ATP8A2: variants seen among roughly 807,000 people sequenced by gnomAD.
The protein encoded by ATP8A2 is ATPase phospholipid transporting 8A2.
A neutral mutation model predicts 165.6 loss-of-function variants in ATP8A2; 100 were observed. That is an observed-to-expected ratio of 0.60 (90% CI 0.51 to 0.71). ATP8A2 has a LOEUF of 0.71. Among genes scored for constraint, ATP8A2 ranks in the 30% least tolerant of loss-of-function variants. The pLI is 0.00. For missense variants in ATP8A2, 1,227 were observed against 1,479.5 expected, an observed-to-expected ratio of 0.83 and a Z score of 2.80; for synonymous variants, 543 against 548.8, an observed-to-expected ratio of 0.99 and a Z score of 0.15.
At chr13:25,489,872 A>C (rs546325822) in intron 2 of ATP8A2, among the ~76,000 whole-genome samples, 2 of 152,314 alleles carry the variant, frequency 1.3e-5, no homozygotes, top group African/African-American at 4.8e-5. Context: ...TTTAATGCCA[A>C]TTTCTTCAGA....
chr13:25,475,316 C>T (rs2035963062), intron 2 of ATP8A2, among the ~76,000 whole-genome samples: 1 of 152,158 alleles, frequency 6.6e-6, no homozygotes, highest in African/African-American at 2.4e-5. Context: ...ATAATGGTCT[C>T]CCCCTCATTC....
intron 24 of ATP8A2, among the ~76,000 whole-genome samples, chr13:25,656,266 C>T (rs895534550): frequency 1.7e-5 from 2 of 120,772 alleles, no homozygotes; most frequent in African/African-American, 6.4e-5. Context: ...CACACTATTA[C>T]TTAAAGTTGG....
At chr13:25,785,938 G>C (rs528410624) in intron 27 of ATP8A2, among the ~76,000 whole-genome samples, 32 of 152,316 alleles carry the variant, frequency 2.1e-4, no homozygotes, top group African/African-American at 7.2e-4. Flanking sequence ...GCTTGTAGAG[G>C]ATCAAGAGCA....
intron 25 of ATP8A2, among the ~76,000 whole-genome samples, chr13:25,735,546 C>T (rs942282454): frequency 7.9e-5 from 12 of 151,490 alleles, no homozygotes; most frequent in African/African-American, 2.9e-4. Flanking sequence ...TAGGCGTGAA[C>T]CTCCACACTG....
At chr13:25,434,290 C>T (rs187468227) in intron 1 of ATP8A2, among the ~76,000 whole-genome samples, 1 of 152,096 alleles carries the variant, frequency 6.6e-6, no homozygotes, top group Non-Finnish European at 1.5e-5. Flanking sequence ...GGCTCCCTGC[C>T]TAAGGTGTGA....
At chr13:25,515,354 A>G (rs534040197) in intron 2 of ATP8A2, among the ~76,000 whole-genome samples, 1 of 152,264 alleles carries the variant, frequency 6.6e-6, no homozygotes, top group East Asian at 1.9e-4. Context: ...ACACAATGAC[A>G]CTCTTATTAC....
intron 33 of ATP8A2, among the ~76,000 whole-genome samples, chr13:25,919,504 G>A (rs571388918): frequency 1.3e-5 from 2 of 152,258 alleles, no homozygotes; most frequent in East Asian, 3.9e-4. Flanking sequence ...GTTTGTAGAA[G>A]GTGCTGCGAG....
At chr13:25,597,508 A>AT (rs2040267521) in intron 24 of ATP8A2, among the ~76,000 whole-genome samples, 1 of 152,258 alleles carries the variant, frequency 6.6e-6, no homozygotes, top group African/African-American at 2.4e-5. Context: ...GTGGCAAGAA[A>AT]TTGCAGACAG....
chr13:25,973,190 C>G (rs917953254), intron 35 of ATP8A2, among the ~76,000 whole-genome samples: 32 of 152,318 alleles, frequency 2.1e-4, no homozygotes, highest in African/African-American at 7.5e-4. Flanking sequence ...GTGTAGCTTA[C>G]GCTGTGACTT....
chr13:25,874,912 C>G (rs1272220366), intron 33 of ATP8A2, among the ~76,000 whole-genome samples: 12 of 152,100 alleles, frequency 7.9e-5, no homozygotes, highest in Non-Finnish European at 1.8e-4. Flanking sequence ...TGTCACCATT[C>G]TACAACATGG....
intron 25 of ATP8A2, among the ~76,000 whole-genome samples, chr13:25,715,624 A>G (rs1203664096): frequency 6.6e-6 from 1 of 152,200 alleles, no homozygotes; most frequent in African/African-American, 2.4e-5. Context: ...AGGGTCATTC[A>G]TGTCGTAGCA....
At chr13:25,871,342 A>G in intron 33 of ATP8A2, 1 of 190,148 alleles carries the variant, frequency 5.3e-6, no homozygotes, top group Non-Finnish European at 1.1e-5. Context: ...GAGTCTGCAC[A>G]GGGGTTTTCT....
intron 24 of ATP8A2, among the ~76,000 whole-genome samples, chr13:25,622,767 A>G (rs1435034761): frequency 6.6e-6 from 1 of 152,170 alleles, no homozygotes; most frequent in African/African-American, 2.4e-5. Flanking sequence ...CATCCCCAAG[A>G]TATCTCATAA....
At chr13:25,542,936 T>G (rs1235600506) in intron 9 of ATP8A2, among the ~76,000 whole-genome samples, 1 of 152,110 alleles carries the variant, frequency 6.6e-6, no homozygotes, top group Non-Finnish European at 1.5e-5. Flanking sequence ...ATAATAATAA[T>G]AATACTTCCA....
intron 29 of ATP8A2, 150 bp downstream of exon 29, chr13:25,837,435 AC>A: frequency 2.2e-6 from 1 of 454,126 alleles, no homozygotes. Flanking sequence ...ACACACACAC[AC>A]ACACACACAC....
Position 25,682,288 on chromosome 13 carries a change from C to T in ATP8A2, c.2212-16885C>T, listed in dbSNP as rs1030523876. On this transcript the variant is annotated intron_variant, in intron 24 of 36. Coordinates refer to ENST00000381655, the MANE Select transcript of ATP8A2 (RefSeq NM_016529.6). ...CCCTGTTAATCGGATCGTGCCTCCC[C>T]CCTCCTCTGCAAACACCTTATAGTT... 2.0e-5 allele frequency among the ~76,000 whole-genome samples: 3 copies of T among 152,076 alleles called. No homozygotes were observed. The South Asian group carries it at 6.2e-4, about 32-fold the overall frequency.
chr13:25,598,947 T>C (rs1283257142), intron 24 of ATP8A2, among the ~76,000 whole-genome samples: 1 of 152,202 alleles, frequency 6.6e-6, no homozygotes, highest in African/African-American at 2.4e-5. Flanking sequence ...TTGGTGCTGC[T>C]GCCTAAGACC....
chr13:25,985,797 C>A lies in ATP8A2; in HGVS notation c.3377+17118C>A, dbSNP rs147356699. The stretch of plus-strand genomic sequence containing the variant: ...TGCTGGAACCACCCTGAGCCAATCC[C>A]TACAGTCCAGGAAATACCATGGTGG... On this transcript the variant is annotated intron_variant, in intron 35 of 36. Coordinates refer to ENST00000381655, the MANE Select transcript of ATP8A2 (RefSeq NM_016529.6). Among the ~76,000 whole-genome samples the A allele has an allele frequency of 3.3e-3, 503 of 152,326 alleles. 1 individual carries two copies. Among genetic ancestry groups the A allele is most frequent in the Non-Finnish European group, 5.8e-3 (394 of 68,022 alleles).
intron 2 of ATP8A2, among the ~76,000 whole-genome samples, chr13:25,501,275 C>A (rs1440736770): frequency 1.3e-5 from 2 of 152,156 alleles, no homozygotes; most frequent in Non-Finnish European, 2.9e-5. Flanking sequence ...CATAGAAGCT[C>A]CAGGTGGCTT....
Sources: allele counts gnomAD v4.1 joint callset (sites outside exome capture counted in the v4.1 genomes callset), GRCh38; gene constraint gnomAD v4.1.1; transcripts MANE v1.5; gene names NCBI Gene and HGNC (gene_info 2026-07-23, HGNC 2026-07-21).